Variants in OXR1 observed in about 807,000 individuals in gnomAD.
The protein encoded by OXR1 is oxidation resistance 1.
A neutral mutation model predicts 104.6 loss-of-function variants in OXR1; 41 were observed. The observed-to-expected ratio is 0.39, with a 90% CI of 0.31 to 0.51. The LOEUF is 0.51. Among genes scored for constraint, OXR1 ranks in the 20% least tolerant of loss-of-function variants. The probability of loss-of-function intolerance (pLI) is 0.77; values close to 1 mark genes in which losing one functional copy is unlikely to be tolerated. For synonymous variants in OXR1, 348 were observed against 348.4 expected, an observed-to-expected ratio of 1.00 and a Z score of 0.01; for missense variants, 955 against 1,031.9, an observed-to-expected ratio of 0.93 and a Z score of 1.02.
At position 106,578,983 on chromosome 8, in the gene OXR1, C is replaced by CTTTTT. The variant is rs146593561; in HGVS notation, c.220+59847_220+59848insTTTTT. Among the ~76,000 whole-genome samples, 266 of 130,948 alleles carry CTTTTT rather than the reference C, an allele frequency of 2.0e-3. 20 individuals are homozygous for CTTTTT. The highest frequency in any genetic ancestry group is 4.9e-3 in the African/African-American group (163 of 33,226). The allele number at this position is 130,948 out of a possible 152,430, so 85.9% of individuals were successfully genotyped here. The stretch of plus-strand genomic sequence containing the variant: ...GACCACCTAGGTAACCTCACTTTTT[C>CTTTTT]TTTCTTTTTTTTTTTTTTTGCCTAG... On this transcript the variant is annotated intron_variant, in intron 3 of 16. Coordinates refer to ENST00000517566, the MANE Select transcript of OXR1 (RefSeq NM_001198533.2).
intron 3 of OXR1, among the ~76,000 whole-genome samples, chr8:106,628,531 C>T (rs752597069): frequency 2.6e-5 from 4 of 152,150 alleles, no homozygotes; most frequent in Non-Finnish European, 5.9e-5. Flanking sequence ...TTTACTGTTG[C>T]TTGGCACATT....
At chr8:106,368,884 T>C (rs1374961357) in intron 2 of OXR1, among the ~76,000 whole-genome samples, 1 of 152,154 alleles carries the variant, frequency 6.6e-6, no homozygotes, top group Admixed American at 6.6e-5. Flanking sequence ...GTCTTTAGAG[T>C]ATAATGATTT....
intron 3 of OXR1, among the ~76,000 whole-genome samples, chr8:106,534,160 A>G (rs1407617927): frequency 6.6e-6 from 1 of 152,064 alleles, no homozygotes; most frequent in East Asian, 1.9e-4. Flanking sequence ...GGGGCCTACA[A>G]TTTTTTCTGC....
chr8:106,447,990 C>A lies in OXR1; in HGVS notation c.24-70953C>A, dbSNP rs73701936. The stretch of plus-strand genomic sequence containing the variant: ...GATCAGATCCGCCCCGGCTCCCACA[C>A]AGCTATAAGGTTGCCTGCCTGCCTG... On this transcript the variant is annotated intron_variant, in intron 2 of 16. Coordinates refer to ENST00000517566, the MANE Select transcript of OXR1 (RefSeq NM_001198533.2). The A allele has an allele frequency of 2.0e-6, 3 of 1,532,358 alleles. No individual in the cohort carries two copies. The East Asian group carries it at 7.3e-5, about 37-fold the overall frequency. 94.9% of individuals were successfully genotyped at this position (1,532,358 alleles called of 1,614,324 possible).
At chr8:106,384,891 T>C (rs1033837611) in intron 2 of OXR1, among the ~76,000 whole-genome samples, 4 of 151,950 alleles carry the variant, frequency 2.6e-5, no homozygotes, top group African/African-American at 9.7e-5. Flanking sequence ...ATTTTCATAT[T>C]GTTAGTAGAG....
At position 106,710,737 on chromosome 8, in the gene OXR1, G is replaced by A. The variant is rs370249518; in HGVS notation, c.1740G>A (p.Gln580=). The A allele has an allele frequency of 3.8e-6, 6 of 1,592,324 alleles. No homozygotes were observed. The African/African-American group carries it at 6.8e-5, about 18-fold the overall frequency. The change falls in exon 10 of 17, where the codon CAG becomes CAA. Residue 580 remains glutamine (Q), a synonymous_variant. Transcript: ENST00000517566. ...FVSQASATMQ[Q]YAQRDKKHEY... ...CTCAAGCAAGTGCTACAATGCAACAGTATGCACAGAGAGATAAGAAACATG... is the reference window on the plus strand; with the variant it reads ...CTCAAGCAAGTGCTACAATGCAACAATATGCACAGAGAGATAAGAAACATG...
intron 3 of OXR1, chr8:106,618,140 A>G (rs1017387249): frequency 1.3e-6 from 2 of 1,536,104 alleles, no homozygotes; most frequent in Admixed American, 3.9e-5. Context: ...CTAGCTGAGC[A>G]AGGTTCGAAG....
intron 2 of OXR1, among the ~76,000 whole-genome samples, chr8:106,407,061 C>T (rs976220853): frequency 2.6e-5 from 4 of 152,038 alleles, no homozygotes; most frequent in African/African-American, 9.7e-5. Context: ...TAAAAATTCT[C>T]TAAAATATAA....
rs1835965151 is a variant in OXR1 at position 106,752,646 on chromosome 8, T to C, written c.*1705T>C. On this transcript the variant is annotated 3_prime_UTR_variant, in exon 17 of 17. Transcript: ENST00000517566. ...ATCCTGTAATGGATTTCTACTAAAA[T>C]AAGGTCATAGTGGCATATACCAAAT... 6.6e-6 allele frequency: 1 copy of C among 152,504 alleles called. No homozygotes were observed. Among genetic ancestry groups the C allele is most frequent in the South Asian group, 2.1e-4 (1 of 4,826 alleles). The allele number at this position is 152,504 out of a possible 1,614,324, so 9.4% of individuals were successfully genotyped here. A position where few individuals can be genotyped will look rare whatever the true frequency, so the allele number is the denominator to read the frequency against.
At chr8:106,428,608 CTT>C (rs36049400) in intron 2 of OXR1, among the ~76,000 whole-genome samples, 21 of 139,052 alleles carry the variant, frequency 1.5e-4, no homozygotes, top group Admixed American at 1.5e-4. Flanking sequence ...CTGCCAATGT[CTT>C]TTTTTTTTTT....
At chr8:106,578,211 T>C (rs1173465197) in intron 3 of OXR1, among the ~76,000 whole-genome samples, 1 of 152,212 alleles carries the variant, frequency 6.6e-6, no homozygotes, top group African/African-American at 2.4e-5. Context: ...TCTAAGCTTC[T>C]GTATTTTAAT....
chr8:106,575,667 C>A (rs1817770734), intron 3 of OXR1, among the ~76,000 whole-genome samples: 1 of 148,388 alleles, frequency 6.7e-6, no homozygotes. Flanking sequence ...TAGCAATCAA[C>A]TTGATCCATC....
chr8:106,639,501 A>G (rs1823448967), intron 3 of OXR1, among the ~76,000 whole-genome samples: 2 of 152,166 alleles, frequency 1.3e-5, no homozygotes, highest in South Asian at 4.1e-4. Context: ...GCTCCCCAAA[A>G]TATCACTGAT....
At chr8:106,560,780 G>T (rs370480275) in intron 3 of OXR1, among the ~76,000 whole-genome samples, 2 of 143,606 alleles carry the variant, frequency 1.4e-5, no homozygotes, top group African/African-American at 5.2e-5. Flanking sequence ...GCAGAAGGTG[G>T]GTGATTTCTG....
Position 106,706,524 on chromosome 8 carries a change from T to C in OXR1, c.1003T>C (p.Ser335Pro), listed in dbSNP as rs1277776485. 4.7e-5 allele frequency: 75 copies of C among 1,606,324 alleles called. No individual in the cohort carries two copies. Among genetic ancestry groups the C allele is most frequent in the Non-Finnish European group, 6.4e-5 (75 of 1,178,192 alleles). ...TAPRSTEESL[S>P]EDVFTESELS... is the part of the protein sequence containing the mutation. Reference sequence around the variant, plus strand: ...TCCTAGGAGCACTGAGGAGTCTCTTTCTGAAGATGTGTTCACAGAATCAGA... The same window carrying C: ...TCCTAGGAGCACTGAGGAGTCTCTTCCTGAAGATGTGTTCACAGAATCAGA... Residue 335 changes from serine to proline, a missense_variant, in exon 9 of 17, where the codon TCT becomes CCT. Physicochemically the swap from Ser to Pro is moderately conservative, Grantham distance 74. Coordinates refer to ENST00000517566, the MANE Select transcript of OXR1 (RefSeq NM_001198533.2).
chr8:106,652,473 T>G (rs1824669697), intron 3 of OXR1, among the ~76,000 whole-genome samples: 1 of 151,762 alleles, frequency 6.6e-6, no homozygotes, highest in Admixed American at 6.6e-5. Context: ...ACAAAGAAAT[T>G]TGGGAAATTC....
intron 2 of OXR1, among the ~76,000 whole-genome samples, chr8:106,507,947 G>A (rs868250300): frequency 2.6e-5 from 4 of 152,270 alleles, no homozygotes; most frequent in Middle Eastern, 6.8e-3. Context: ...TGAAAAGGAA[G>A]GACTCTGGCT....
In OXR1 at chr8:106,470,483, T is replaced by TG. The variant is rs141922685; in HGVS notation, c.24-48454dup. Among the ~76,000 whole-genome samples, 771 of 151,770 alleles carry TG rather than the reference T, an allele frequency of 5.1e-3. 10 individuals are homozygous for TG. Among genetic ancestry groups the TG allele is most frequent in the African/African-American group, 0.018 (749 of 41,476 alleles). ...TGCCACCAACCAAGATGGGAAAGAC[T>TG]GGGGGGTAGAATAGTTGGAGGGAAA... is the stretch of plus-strand genomic sequence containing the variant. On this transcript the variant is annotated intron_variant, in intron 2 of 16. Coordinates refer to ENST00000517566, the MANE Select transcript of OXR1 (RefSeq NM_001198533.2).
chr8:106,691,860 T>C (rs1298683685), intron 6 of OXR1, among the ~76,000 whole-genome samples: 6 of 151,020 alleles, frequency 4.0e-5, no homozygotes, highest in Middle Eastern at 3.5e-3. Context: ...CACTGGTTTG[T>C]GTGTTGATAA....
Sources: allele counts gnomAD v4.1 joint callset (sites outside exome capture counted in the v4.1 genomes callset), GRCh38; gene constraint gnomAD v4.1.1; transcripts MANE v1.5; gene names NCBI Gene and HGNC (gene_info 2026-07-23, HGNC 2026-07-21).